Variants in TRPC5 observed in about 807,000 individuals in gnomAD.
TRPC5 encodes transient receptor potential cation channel subfamily C member 5.
Under a neutral mutation model 56.5 loss-of-function variants are expected in TRPC5, and 9 were observed. The ratio of observed to expected loss-of-function variants is 0.16; its 90% CI spans 0.10 to 0.28. The LOEUF is 0.28. Ranked by LOEUF, TRPC5 falls within the 10% of genes least tolerant of loss-of-function variation. The pLI is 1.00. For missense variants in TRPC5, 469 were observed against 748.9 expected (o/e 0.63, Z 4.36); for synonymous variants, 282 against 278.5 (o/e 1.01, Z -0.13).
At position 111,852,445 on chromosome X, in the gene TRPC5, A is replaced by G. The variant is rs1186397593; in HGVS notation, c.1238-8T>C. The G allele has an allele frequency of 7.5e-6, 9 of 1,202,755 alleles. No individual in the cohort carries two copies. Among genetic ancestry groups the G allele is most frequent in the Non-Finnish European group, 9.0e-6 (8 of 891,999 alleles). On this transcript the variant is annotated splice_region_variant and splice_polypyrimidine_tract_variant and intron_variant, in intron 4 of 10. Coordinates refer to ENST00000262839, the MANE Select transcript of TRPC5 (RefSeq NM_012471.3). ...TCTCACCCCAAATGAAACCTGAAGA[A>G]TGGAGGAAAACAGTTTATTTCTACA...
intron 1 of TRPC5, among the ~76,000 whole-genome samples, chrX:111,997,401 A>C (rs1260811917): frequency 9.0e-6 from 1 of 111,007 alleles, no homozygotes; most frequent in Non-Finnish European, 1.9e-5. Context: ...CTTGTGTGTA[A>C]CTCGACCTTT....
intron 3 of TRPC5, among the ~76,000 whole-genome samples, chrX:111,905,932 G>A (rs57524365): frequency 0.073 from 6,776 of 92,791 alleles, 491 homozygotes; most frequent in African/African-American, 0.14. Context: ...AAAAAAAAAA[G>A]AAAGAAAGAA....
intron 3 of TRPC5, among the ~76,000 whole-genome samples, chrX:111,870,103 A>T (rs1052287598): frequency 8.9e-6 from 1 of 112,105 alleles, no homozygotes; most frequent in Non-Finnish European, 1.9e-5. Context: ...TTGTGATGGG[A>T]TAATTCTTTG....
intron 1 of TRPC5, among the ~76,000 whole-genome samples, chrX:112,079,738 G>T (rs1930917707): frequency 8.9e-6 from 1 of 111,777 alleles, no homozygotes; most frequent in Non-Finnish European, 1.9e-5. Context: ...AGCTCTTGTG[G>T]CTGGGAAGGA....
At chrX:111,899,656 A>T (rs1299941464) in intron 3 of TRPC5, among the ~76,000 whole-genome samples, 1 of 111,059 alleles carries the variant, frequency 9.0e-6, no homozygotes, top group African/African-American at 3.3e-5. Context: ...TGGGCTGTAT[A>T]TACCATCTAG....
intron 1 of TRPC5, among the ~76,000 whole-genome samples, chrX:112,043,024 A>G (rs1445929241): frequency 8.9e-6 from 1 of 111,893 alleles, no homozygotes; most frequent in Non-Finnish European, 1.9e-5. Context: ...ACTTCATGGT[A>G]TCTGTAACCA....
At chrX:112,011,017 C>T (rs759777668) in intron 1 of TRPC5, among the ~76,000 whole-genome samples, 11 of 111,627 alleles carry the variant, frequency 9.9e-5, no homozygotes, top group African/African-American at 3.6e-4. Context: ...GGTTTTAATC[C>T]TCTGCAGAAG....
chrX:112,065,324 T>C (rs1930557232), intron 1 of TRPC5, among the ~76,000 whole-genome samples: 1 of 111,705 alleles, frequency 9.0e-6, no homozygotes, highest in Admixed American at 9.5e-5. Context: ...CTCACATATT[T>C]CGTATTCATT....
Position 111,912,667 on chromosome X carries a change from C to T in TRPC5, c.524G>A (p.Arg175His), listed in dbSNP as rs962685683. The change falls in exon 3 of 11, where the codon CGC (arginine) becomes CAC (histidine). Residue 175 changes from arginine to histidine, a missense_variant. Around this residue, in one of 3 missense-constraint regions of TRPC5, gnomAD observed 118 missense variants for 167.1 expected, o/e 0.71. Transcript: ENST00000262839. ...RVTIPRPHQI[R>H]CNCVECVSSS... is the part of the protein sequence containing the mutation. ...AGACACACACTCCACACAGTTGCAGCGGATCTGGTGGGGCCGTGGGATAGT... is the reference window on the plus strand; with the variant it reads ...AGACACACACTCCACACAGTTGCAGTGGATCTGGTGGGGCCGTGGGATAGT... 6 of 1,211,114 alleles carry T rather than the reference C, an allele frequency of 5.0e-6. No homozygotes were observed. Among genetic ancestry groups the T allele is most frequent in the South Asian group, 1.8e-5 (1 of 56,944 alleles).
At chrX:111,938,687 G>A (rs1926678027) in intron 2 of TRPC5, among the ~76,000 whole-genome samples, 1 of 111,636 alleles carries the variant, frequency 9.0e-6, no homozygotes, top group South Asian at 3.8e-4. Flanking sequence ...TTGCATCCCA[G>A]GGATGAAGCC....
At chrX:111,921,682 T>C (rs1160593682) in intron 2 of TRPC5, among the ~76,000 whole-genome samples, 3 of 111,501 alleles carry the variant, frequency 2.7e-5, no homozygotes, top group Non-Finnish European at 5.6e-5. Context: ...AGATTTGGCT[T>C]ATATTATCTA....
intron 1 of TRPC5, among the ~76,000 whole-genome samples, chrX:112,003,837 T>C (rs1323044472): frequency 9.0e-6 from 1 of 111,724 alleles, no homozygotes; most frequent in South Asian, 3.8e-4. Context: ...GAAAAGATCA[T>C]TCTGGCAACA....
intron 3 of TRPC5, among the ~76,000 whole-genome samples, chrX:111,859,730 G>T (rs773880277): frequency 8.9e-6 from 1 of 111,859 alleles, no homozygotes; most frequent in Non-Finnish European, 1.9e-5. Context: ...GGTTTTATTC[G>T]TTCCGTAAGT....
intron 1 of TRPC5, among the ~76,000 whole-genome samples, chrX:111,977,671 A>T (rs1381918983): frequency 1.8e-5 from 2 of 111,958 alleles, no homozygotes; most frequent in African/African-American, 6.5e-5. Context: ...CAAGAAAACA[A>T]AAAGGCAACT....
intron 7 of TRPC5, among the ~76,000 whole-genome samples, chrX:111,827,454 G>T (rs913779203): frequency 1.8e-5 from 2 of 110,703 alleles, no homozygotes; most frequent in Non-Finnish European, 3.8e-5. Context: ...GTCAACTCTG[G>T]ATCTCTGTTT....
At chrX:111,795,252 T>G (rs1213369747) in intron 7 of TRPC5, among the ~76,000 whole-genome samples, 1 of 111,341 alleles carries the variant, frequency 9.0e-6, no homozygotes. Context: ...CTTTCACCGC[T>G]AAGTTTAATG....
At chrX:111,785,460 C>T (rs1339416624) in intron 7 of TRPC5, among the ~76,000 whole-genome samples, 2 of 111,461 alleles carry the variant, frequency 1.8e-5, no homozygotes, top group African/African-American at 6.6e-5. Flanking sequence ...TGGGGAGAAA[C>T]CAGAGCAGAA....
At chrX:112,017,013 T>A (rs1211783050) in intron 1 of TRPC5, among the ~76,000 whole-genome samples, 4 of 111,581 alleles carry the variant, frequency 3.6e-5, no homozygotes, top group African/African-American at 6.5e-5. Flanking sequence ...TTTTAAAAAA[T>A]TTTATTTATT....
intron 5 of TRPC5, 34 bp from the exon 6 acceptor site, chrX:111,847,470 T>C: frequency 4.2e-5 from 46 of 1,096,021 alleles, no homozygotes; most frequent in East Asian, 6.0e-5. Context: ...AGATGAGGGG[T>C]ACAGTGAACA....
Sources: allele counts gnomAD v4.1 joint callset (sites outside exome capture counted in the v4.1 genomes callset), GRCh38; gene constraint gnomAD v4.1.1; regional missense constraint gnomAD v4.1.1; transcripts MANE v1.5; gene names NCBI Gene and HGNC (gene_info 2026-07-23, HGNC 2026-07-21).